FBN1: variants seen among roughly 807,000 people sequenced by gnomAD.
FBN1 encodes the protein fibrillin-1.
Under a neutral mutation model 365.1 loss-of-function variants are expected in FBN1, and 29 were observed. The ratio of observed to expected loss-of-function variants is 0.08; its 90% CI spans 0.06 to 0.11. The LOEUF (loss-of-function observed/expected upper bound fraction) is 0.11. Ranked by LOEUF, FBN1 falls within the 10% of genes least tolerant of loss-of-function variation. The pLI is 1.00. For synonymous variants in FBN1, 1,210 were observed against 1,270.5 expected, an observed-to-expected ratio of 0.95 and a Z score of 1.01; for missense variants, 2,476 against 3,703.2, an observed-to-expected ratio of 0.67 and a Z score of 8.60.
At chr15:48,468,945 G>A (rs1236076402) in intron 36 of FBN1, among the ~76,000 whole-genome samples, 1 of 151,596 alleles carries the variant, frequency 6.6e-6, no homozygotes, top group Non-Finnish European at 1.5e-5. Flanking sequence ...GTGGGTGCCT[G>A]TAGTCCCAGC....
At position 48,452,577 on chromosome 15, in the gene FBN1, T is replaced by C. The variant is rs2043209318; in HGVS notation, c.5530A>G (p.Thr1844Ala). ...CACTACATACCATTGCACTGTCCTG[T>C]GGAGGTGAAGCGGTAGCCGGGCTTA... ...DCKPGYRFTS[T>A]GQCNDRNECQ... The change falls in exon 45 of 66, where the codon ACA (threonine) becomes GCA (alanine). Residue 1844 changes from threonine to alanine, a missense_variant. Around this residue, in one of 5 missense-constraint regions of FBN1, gnomAD observed 1,780 missense variants for 2,840.8 expected, o/e 0.63. Coordinates refer to ENST00000316623, the MANE Select transcript of FBN1 (RefSeq NM_000138.5). 1 of 1,614,084 alleles carries C rather than the reference T, an allele frequency of 6.2e-7. No individual in the cohort carries two copies. The highest frequency in any genetic ancestry group is 1.1e-5 in the South Asian group (1 of 91,068).
intron 6 of FBN1, 115 bp from the exon 7 acceptor site, chr15:48,537,923 C>T (rs1597593897): frequency 5.8e-6 from 6 of 1,038,252 alleles, no homozygotes; most frequent in Non-Finnish European, 8.8e-6. Flanking sequence ...ATTTCAGGGA[C>T]AGAATCATGC....
intron 4 of FBN1, among the ~76,000 whole-genome samples, chr15:48,606,881 G>T (rs2044616284): frequency 6.6e-6 from 1 of 152,184 alleles, no homozygotes; most frequent in Non-Finnish European, 1.5e-5. Flanking sequence ...TGAGGGCTTT[G>T]CCCTCATAAA....
chr15:48,499,584 C>T (rs1310116492), intron 17 of FBN1, among the ~76,000 whole-genome samples: 2 of 152,172 alleles, frequency 1.3e-5, no homozygotes, highest in Non-Finnish European at 2.9e-5. Flanking sequence ...TGGATTCATT[C>T]TCTATGGTAT....
At chr15:48,639,800 C>T (rs928410281) in intron 2 of FBN1, among the ~76,000 whole-genome samples, 19 of 152,082 alleles carry the variant, frequency 1.2e-4, no homozygotes, top group Non-Finnish European at 2.4e-4. Flanking sequence ...CTTAAGCAGG[C>T]CCATTTGCTG....
chr15:48,449,378 C>T (rs2043183399), intron 45 of FBN1, among the ~76,000 whole-genome samples: 1 of 152,286 alleles, frequency 6.6e-6, no homozygotes, highest in Middle Eastern at 3.4e-3. Context: ...CAAGTTGCAT[C>T]TCTTTGTTTT....
chr15:48,630,456 G>C (rs770848182), intron 2 of FBN1, among the ~76,000 whole-genome samples: 10 of 152,166 alleles, frequency 6.6e-5, no homozygotes, highest in Non-Finnish European at 1.0e-4. Flanking sequence ...AGATGAGTCA[G>C]TCTGCAGTCA....
At chr15:48,564,390 C>T (rs572455844) in intron 6 of FBN1, among the ~76,000 whole-genome samples, 4 of 152,096 alleles carry the variant, frequency 2.6e-5, no homozygotes, top group Non-Finnish European at 5.9e-5. Context: ...TGATACAAAG[C>T]CAATGCGGTT....
intron 8 of FBN1, among the ~76,000 whole-genome samples, chr15:48,528,786 C>G (rs2043940205): frequency 1.3e-5 from 2 of 152,154 alleles, no homozygotes; most frequent in Admixed American, 1.3e-4. Context: ...AATATGTCCC[C>G]TTCTCAGTGA....
rs1166519673 is a variant in FBN1, at chr15:48,613,076, A to G, written c.181T>C (p.Ser61Pro). 3.1e-6 allele frequency: 5 copies of G among 1,613,122 alleles called. No homozygotes were observed. The highest frequency in any genetic ancestry group is 4.2e-6 in the Non-Finnish European group (5 of 1,179,498). ...GGGCAACAGTAAGCATTATAACGTG[A>G]TCCACAGACATTGGGTCTAAAACAA... ...DALKGPNVCG[S>P]RYNAYCCPGW... Residue 61 changes from serine to proline, a missense_variant, in exon 3 of 66, where the codon TCA becomes CCA. Ser to Pro is a moderately conservative substitution (Grantham distance 74, BLOSUM62 -1). Around this residue, in one of 5 missense-constraint regions of FBN1, gnomAD observed 76 missense variants for 85.4 expected, o/e 0.89. Transcript: ENST00000316623.
In FBN1 at chr15:48,462,615, C is replaced by T. The variant is rs146513585; in HGVS notation, c.5224+467G>A. ...TTGTGTATTAGTCCTGCTCCTGGCT[C>T]TTTCTTATTCTTGTTTGCCATTTGC... On this transcript the variant is annotated intron_variant, in intron 42 of 65. Transcript: ENST00000316623. Among the ~76,000 whole-genome samples the T allele has an allele frequency of 1.4e-3, 215 of 152,202 alleles. 3 individuals are homozygous for T. The highest frequency in any genetic ancestry group is 6.8e-3 in the Middle Eastern group (2 of 294).
At chr15:48,516,083 T>A in intron 11 of FBN1, 100 bp downstream of exon 11, 1 of 1,192,708 alleles carries the variant, frequency 8.4e-7, no homozygotes, top group South Asian at 1.3e-5. Flanking sequence ...TATAACAATT[T>A]ACAAACTTAT....
At chr15:48,612,417 T>G (rs1306240114) in intron 3 of FBN1, among the ~76,000 whole-genome samples, 1 of 152,246 alleles carries the variant, frequency 6.6e-6, no homozygotes, top group Admixed American at 6.5e-5. Context: ...TTGACTTTGG[T>G]GTCTCCATTA....
chr15:48,606,614 G>A (rs1355086994), intron 4 of FBN1, among the ~76,000 whole-genome samples: 1 of 152,178 alleles, frequency 6.6e-6, no homozygotes, highest in Non-Finnish European at 1.5e-5. Flanking sequence ...GACAATAAAA[G>A]GGTAACATCA....
At chr15:48,593,742 G>A (rs928150596) in intron 6 of FBN1, among the ~76,000 whole-genome samples, 12 of 152,158 alleles carry the variant, frequency 7.9e-5, no homozygotes, top group Non-Finnish European at 1.0e-4. Flanking sequence ...AGTTGCTCCT[G>A]AAAACTTATG....
intron 6 of FBN1, among the ~76,000 whole-genome samples, chr15:48,551,970 A>G (rs1352784166): frequency 6.6e-6 from 1 of 152,176 alleles, no homozygotes; most frequent in Non-Finnish European, 1.5e-5. Context: ...GAGCATACAC[A>G]TGCATGTGTC....
chr15:48,507,328 G>T (rs2043718293), intron 15 of FBN1, among the ~76,000 whole-genome samples: 1 of 151,758 alleles, frequency 6.6e-6, no homozygotes, highest in Non-Finnish European at 1.5e-5. Context: ...TGCTAAATTT[G>T]CACAATTTGG....
In FBN1 at chr15:48,516,320, C is replaced by T; in HGVS notation, c.1190G>A (p.Gly397Glu). ...KLCSVPMVIP[G>E]RPEYPPPPLG... ...GGGTGGGGGAGGATATTCTGGTCTC[C>T]CAGGAATTACCATAGGAACAGAGCA... The change falls in exon 11 of 66, where the codon GGG becomes GAG. Residue 397 changes from glycine to glutamate, a missense_variant. Gly to Glu is a moderately conservative substitution (Grantham distance 98). This residue lies in a region of FBN1 where 421 missense variants were observed against 520.1 expected (regional missense o/e 0.81). Coordinates refer to ENST00000316623, the MANE Select transcript of FBN1 (RefSeq NM_000138.5). The T allele has an allele frequency of 6.2e-7, 1 of 1,613,704 alleles. No homozygotes were observed. The highest frequency in any genetic ancestry group is 2.2e-5 in the East Asian group (1 of 44,868).
chr15:48,432,313 A>G (rs1439303462), intron 55 of FBN1, among the ~76,000 whole-genome samples: 3 of 152,194 alleles, frequency 2.0e-5, no homozygotes, highest in Admixed American at 6.5e-5. Flanking sequence ...AGAGCTCTTC[A>G]AGAGCAAACT....
Sources: allele counts gnomAD v4.1 joint callset (sites outside exome capture counted in the v4.1 genomes callset), GRCh38; gene constraint gnomAD v4.1.1; regional missense constraint gnomAD v4.1.1; transcripts MANE v1.5; gene names NCBI Gene and HGNC (gene_info 2026-07-23, HGNC 2026-07-21).